Variants in SLC39A14 observed in about 807,000 individuals in gnomAD.
The protein encoded by SLC39A14 is metal cation symporter ZIP14.
In SLC39A14, 19 loss-of-function variants were observed where a neutral mutation model predicts 45.5. The observed-to-expected ratio is 0.42, with a 90% confidence interval of 0.29 to 0.61. SLC39A14 has a LOEUF of 0.61. SLC39A14 is among the 20% of genes least tolerant of loss of function. SLC39A14 has a pLI of 0.22. For missense variants in SLC39A14, 447 were observed against 616.5 expected (o/e 0.73, Z 2.91); for synonymous variants, 264 against 251.3 (o/e 1.05, Z -0.48).
At chr8:22,380,052 A>G (rs1833424506) in intron 1 of SLC39A14, among the ~76,000 whole-genome samples, 1 of 152,214 alleles carries the variant, frequency 6.6e-6, no homozygotes, top group African/African-American at 2.4e-5. Context: ...ATTCAATACT[A>G]TAAGTAACCT....
chr8:22,374,016 C>G (rs1190103500), intron 1 of SLC39A14, among the ~76,000 whole-genome samples: 3 of 152,176 alleles, frequency 2.0e-5, no homozygotes, highest in Non-Finnish European at 4.4e-5. Context: ...TCTTGGCCTC[C>G]CGAAGTGCTG....
At chr8:22,369,268 C>A (rs964313925) in intron 1 of SLC39A14, among the ~76,000 whole-genome samples, 3 of 152,152 alleles carry the variant, frequency 2.0e-5, no homozygotes, top group African/African-American at 7.2e-5. Context: ...GCCTCTGGGG[C>A]CTTGAGGGAG....
chr8:22,372,985 C>T (rs7002585), intron 1 of SLC39A14, among the ~76,000 whole-genome samples: 4,740 of 151,670 alleles, frequency 0.031, 245 homozygotes, highest in African/African-American at 0.11. Context: ...ATGTTTTGAA[C>T]GGGCGCAGTG....
rs1215691919 is a variant in SLC39A14 at position 22,421,769 on chromosome 8, G to A, written c.*2071G>A. ...CTTAAACATAATACCCTTTGTCTTG[G>A]AGTAGAATACTAAGTTAGAGTTAGT... On this transcript the variant is annotated 3_prime_UTR_variant, in exon 9 of 9. Coordinates refer to ENST00000381237, the MANE Select transcript of SLC39A14 (RefSeq NM_001128431.4). 1.0e-6 allele frequency: 1 copy of A among 983,714 alleles called. No individual in the cohort carries two copies. 60.9% of individuals were successfully genotyped at this position (983,714 alleles called of 1,614,324 possible).
At chr8:22,368,581 C>G (rs1252224459) in intron 1 of SLC39A14, among the ~76,000 whole-genome samples, 1 of 151,540 alleles carries the variant, frequency 6.6e-6, no homozygotes, top group African/African-American at 2.4e-5. Flanking sequence ...CTGTTGCCCA[C>G]GCAAGAGTGC....
chr8:22,401,901 C>T (rs141349183), intron 1 of SLC39A14, among the ~76,000 whole-genome samples: 91 of 152,178 alleles, frequency 6.0e-4, no homozygotes, highest in Non-Finnish European at 1.1e-3. Context: ...TTTAACTTGC[C>T]GTTATGCCAT....
intron 4 of SLC39A14, 103 bp downstream of exon 4, chr8:22,412,309 C>T (rs980937549): frequency 1.9e-5 from 24 of 1,259,158 alleles, no homozygotes; most frequent in Non-Finnish European, 2.6e-5. Context: ...AGGCCCTTTC[C>T]TTTTGGAAAG....
intron 1 of SLC39A14, among the ~76,000 whole-genome samples, chr8:22,369,985 T>A (rs1832842176): frequency 6.6e-6 from 1 of 152,176 alleles, no homozygotes; most frequent in Non-Finnish European, 1.5e-5. Flanking sequence ...TGCCAGGGAT[T>A]GTCCCACAGA....
At chr8:22,379,070 C>G (rs1374727275) in intron 1 of SLC39A14, among the ~76,000 whole-genome samples, 1 of 152,184 alleles carries the variant, frequency 6.6e-6, no homozygotes, top group Non-Finnish European at 1.5e-5. Context: ...TTTGGTGGCT[C>G]CTGGCATTCC....
At chr8:22,429,176 GCA>G (rs1171453490) in intron 8 of SLC39A14, among the ~76,000 whole-genome samples, 2 of 152,162 alleles carry the variant, frequency 1.3e-5, no homozygotes, top group Non-Finnish European at 2.9e-5. Flanking sequence ...GGAGGCTGAG[GCA>G]GGAGAATGGC....
At chr8:22,393,571 G>A (rs966827845) in intron 1 of SLC39A14, among the ~76,000 whole-genome samples, 5 of 152,308 alleles carry the variant, frequency 3.3e-5, no homozygotes, top group Non-Finnish European at 5.9e-5. Context: ...TGACTGTATC[G>A]TTGTTAGTTT....
chr8:22,416,671 G>A (rs1216196293), intron 7 of SLC39A14, among the ~76,000 whole-genome samples: 1 of 151,018 alleles, frequency 6.6e-6, no homozygotes, highest in African/African-American at 2.4e-5. Context: ...TCCTTACCTC[G>A]TGATCCGCCC....
intron 8 of SLC39A14, among the ~76,000 whole-genome samples, chr8:22,428,690 C>G (rs891375364): frequency 2.6e-5 from 4 of 151,988 alleles, no homozygotes; most frequent in South Asian, 2.1e-4. Context: ...ATCCGCCCAG[C>G]CTGGCCTCCC....
At chr8:22,379,028 C>G (rs1427785502) in intron 1 of SLC39A14, among the ~76,000 whole-genome samples, 1 of 152,190 alleles carries the variant, frequency 6.6e-6, no homozygotes, top group Non-Finnish European at 1.5e-5. Context: ...TCTGACAGCT[C>G]TAGGGGAGAA....
chr8:22,384,611 G>T (rs1289603906), intron 1 of SLC39A14, among the ~76,000 whole-genome samples: 1 of 152,016 alleles, frequency 6.6e-6, no homozygotes, highest in Non-Finnish European at 1.5e-5. Flanking sequence ...AGCCAGGCGT[G>T]GTGGTGGGTG....
At chr8:22,430,179 C>T (rs1426777391) in intron 8 of SLC39A14, among the ~76,000 whole-genome samples, 1 of 151,938 alleles carries the variant, frequency 6.6e-6, no homozygotes, top group Non-Finnish European at 1.5e-5. Context: ...GAGGTCACTG[C>T]AGCTTCAAAC....
chr8:22,381,309 C>T (rs1833499052), intron 1 of SLC39A14, among the ~76,000 whole-genome samples: 2 of 149,128 alleles, frequency 1.3e-5, no homozygotes, highest in Non-Finnish European at 3.0e-5. Context: ...GAGTCTCGCT[C>T]CGTCACCCAG....
chr8:22,398,431 G>A (rs1051942111), intron 1 of SLC39A14: 1 of 152,296 alleles, frequency 6.6e-6, no homozygotes, highest in Non-Finnish European at 1.5e-5. Flanking sequence ...AATCGTCTGA[G>A]TTGGGCAAGT....
At chr8:22,431,141 C>G (rs1413890062) in intron 8 of SLC39A14, among the ~76,000 whole-genome samples, 1 of 152,036 alleles carries the variant, frequency 6.6e-6, no homozygotes, top group Non-Finnish European at 1.5e-5. Flanking sequence ...GCACGTGCCA[C>G]CACACCTGGC....
Sources: allele counts gnomAD v4.1 joint callset (sites outside exome capture counted in the v4.1 genomes callset), GRCh38; gene constraint gnomAD v4.1.1; transcripts MANE v1.5; gene names NCBI Gene and HGNC (gene_info 2026-07-23, HGNC 2026-07-21).